Variants in KIAA0319L observed in about 807,000 individuals in gnomAD.
KIAA0319L encodes the protein KIAA0319 like.
Under a neutral mutation model 120.1 loss-of-function variants are expected in KIAA0319L, and 55 were observed. The ratio of observed to expected loss-of-function variants is 0.46; its 90% CI spans 0.37 to 0.57. KIAA0319L has a LOEUF of 0.57. KIAA0319L is among the 20% of genes least tolerant of loss of function. KIAA0319L has a pLI of 0.00. For synonymous variants in KIAA0319L, 398 were observed against 471.9 expected (o/e 0.84, Z 2.03); for missense variants, 1,049 against 1,255.3 (o/e 0.84, Z 2.48).
intron 3 of KIAA0319L, among the ~76,000 whole-genome samples, chr1:35,494,946 C>T (rs1644744429): frequency 6.6e-6 from 1 of 152,068 alleles, no homozygotes; most frequent in African/African-American, 2.4e-5. Context: ...GGTAAAACGG[C>T]AATTCAGTGT....
chr1:35,449,839 ACTCAGC>A (rs1314541555), intron 15 of KIAA0319L, 22 bp downstream of exon 15: 1 of 1,612,734 alleles, frequency 6.2e-7, no homozygotes, highest in East Asian at 2.2e-5. Context: ...CAGCAATTCT[ACTCAGC>A]CTCATCACTA....
rs1397619885 is a variant in KIAA0319L, at chr1:35,518,988, A to AC, written c.143-11854_143-11853insG. 2.0e-5 allele frequency among the ~76,000 whole-genome samples: 3 copies of AC among 152,094 alleles called. No individual in the cohort carries two copies. The East Asian group carries it at 5.8e-4, about 29-fold the overall frequency. On this transcript the variant is annotated intron_variant, in intron 2 of 20. Coordinates refer to ENST00000325722, the MANE Select transcript of KIAA0319L (RefSeq NM_024874.5). ...GCAAGACTCTGTCTCAAAAAAAAAA[A>AC]AAAAAAAAAGGCTTCCTTGCTCAAA...
intron 6 of KIAA0319L, among the ~76,000 whole-genome samples, chr1:35,468,957 G>A (rs186409710): frequency 1.1e-4 from 17 of 152,296 alleles, no homozygotes; most frequent in Non-Finnish European, 2.2e-4. Flanking sequence ...GGATTGTTAC[G>A]AAGATTAAAA....
At chr1:35,454,662 G>T in intron 10 of KIAA0319L, 177 bp from the exon 11 acceptor site, 4 of 1,389,802 alleles carry the variant, frequency 2.9e-6, no homozygotes, top group Non-Finnish European at 3.7e-6. Flanking sequence ...GAGGCACCTT[G>T]CTAAGGGTTT....
At chr1:35,464,971 C>A (rs764857128) in intron 7 of KIAA0319L, among the ~76,000 whole-genome samples, 1 of 152,206 alleles carries the variant, frequency 6.6e-6, no homozygotes, top group Non-Finnish European at 1.5e-5. Context: ...TGGGAACTTC[C>A]GCCTAGATTT....
intron 5 of KIAA0319L, among the ~76,000 whole-genome samples, chr1:35,471,384 T>C (rs1643613755): frequency 6.6e-6 from 1 of 152,172 alleles, no homozygotes; most frequent in African/African-American, 2.4e-5. Context: ...GGTTCAAAAA[T>C]AGCTTTTTAC....
chr1:35,546,648 T>C (rs1449263395), intron 2 of KIAA0319L, among the ~76,000 whole-genome samples: 2 of 152,232 alleles, frequency 1.3e-5, no homozygotes, highest in Non-Finnish European at 2.9e-5. Context: ...TGAAGAAATC[T>C]ATACCCATCC....
intron 10 of KIAA0319L, 67 bp from the exon 11 acceptor site, chr1:35,454,552 C>A: frequency 6.3e-7 from 1 of 1,589,438 alleles, no homozygotes; most frequent in East Asian, 2.3e-5. Context: ...AATTCCGACT[C>A]TGGTAAAAAC....
chr1:35,462,833 C>A, intron 7 of KIAA0319L, 120 bp from the exon 8 acceptor site: 2 of 748,024 alleles, frequency 2.7e-6, no homozygotes, highest in Non-Finnish European at 2.2e-6. Flanking sequence ...GCCTTTTTGG[C>A]ACCAGGGACC....
Position 35,453,508 on chromosome 1 carries a change from C to A in KIAA0319L, c.1913+49G>T, listed in dbSNP as rs762352474. ...TAATAGCAAATAAAACCTTGCTCTT[C>A]CAAGGTCTGGAGGCTTTGCAAAAAT... On this transcript the variant is annotated intron_variant, in intron 12 of 20. Transcript: ENST00000325722. This position sits in a 1 kb window ranked among gnomAD's most constrained non-coding sequence, Gnocchi z 4.1. The A allele has an allele frequency of 8.2e-6, 13 of 1,589,308 alleles. No individual in the cohort carries two copies. The highest frequency in any genetic ancestry group is 1.3e-5 in the African/African-American group (1 of 74,336).
At chr1:35,463,017 G>A (rs1383019817) in intron 7 of KIAA0319L, among the ~76,000 whole-genome samples, 1 of 152,176 alleles carries the variant, frequency 6.6e-6, no homozygotes, top group Non-Finnish European at 1.5e-5. Context: ...TCATCCTCCT[G>A]TGAGAATCTA....
intron 3 of KIAA0319L, among the ~76,000 whole-genome samples, chr1:35,496,265 C>G (rs1044062786): frequency 6.6e-6 from 1 of 151,522 alleles, no homozygotes; most frequent in East Asian, 2.0e-4. Flanking sequence ...ACTAAAAATA[C>G]AAAAATTAGC....
At chr1:35,464,878 C>A (rs978104874) in intron 7 of KIAA0319L, among the ~76,000 whole-genome samples, 1 of 152,212 alleles carries the variant, frequency 6.6e-6, no homozygotes, top group Non-Finnish European at 1.5e-5. Flanking sequence ...CAGGCTGTGG[C>A]TTCAGAGGGT....
At chr1:35,462,795 T>A in intron 7 of KIAA0319L, 82 bp from the exon 8 acceptor site, 1 of 1,107,888 alleles carries the variant, frequency 9.0e-7, no homozygotes, top group Admixed American at 1.9e-5. Flanking sequence ...GGATTATAAA[T>A]CAATTTCCAT....
chr1:35,495,863 C>CAAAA (rs200064916), intron 3 of KIAA0319L, among the ~76,000 whole-genome samples: 697 of 68,084 alleles, frequency 0.01, 6 homozygotes, highest in Non-Finnish European at 0.014. Context: ...TAACACTCTA[C>CAAAA]AAAAAAAAAA....
intron 2 of KIAA0319L, among the ~76,000 whole-genome samples, chr1:35,534,690 T>A (rs765166186): frequency 6.6e-6 from 1 of 151,068 alleles, no homozygotes; most frequent in Non-Finnish European, 1.5e-5. Context: ...AAACCCCATC[T>A]CTACTAAAAA....
intron 15 of KIAA0319L, among the ~76,000 whole-genome samples, chr1:35,449,118 T>C (rs1641856372): frequency 6.6e-6 from 1 of 152,206 alleles, no homozygotes; most frequent in Non-Finnish European, 1.5e-5. Context: ...GTGTCTCAGC[T>C]ACTGTCCTTC....
intron 3 of KIAA0319L, among the ~76,000 whole-genome samples, chr1:35,492,918 G>A (rs1172223601): frequency 6.6e-6 from 1 of 152,142 alleles, no homozygotes; most frequent in African/African-American, 2.4e-5. Context: ...CAGCACACTG[G>A]GAGGCTAAGG....
intron 15 of KIAA0319L, among the ~76,000 whole-genome samples, chr1:35,449,152 A>T (rs1284297956): frequency 6.6e-6 from 1 of 152,208 alleles, no homozygotes; most frequent in East Asian, 1.9e-4. Context: ...AAGGACTGGA[A>T]GACCTCCCAA....
Sources: allele counts gnomAD v4.1 joint callset (sites outside exome capture counted in the v4.1 genomes callset), GRCh38; gene constraint gnomAD v4.1.1; non-coding constraint Gnocchi (gnomAD v3.1); transcripts MANE v1.5; gene names NCBI Gene and HGNC (gene_info 2026-07-23, HGNC 2026-07-21).